Variants in SPAG16 observed in about 807,000 individuals in gnomAD.
SPAG16 encodes sperm-associated antigen 16 protein.
Under a neutral mutation model 80.4 loss-of-function variants are expected in SPAG16, and 86 were observed. The ratio of observed to expected loss-of-function variants is 1.07; its 90% CI spans 0.90 to 1.28. The LOEUF (loss-of-function observed/expected upper bound fraction) is 1.28, where lower values mean the gene tolerates loss of function less well. Ranked by LOEUF, SPAG16 falls within the 50% of genes most tolerant of loss-of-function variation. The pLI, the probability that SPAG16 is intolerant of heterozygous loss-of-function variation, is 0.00. For missense variants in SPAG16, 870 were observed against 765.3 expected, an observed-to-expected ratio of 1.14 and a Z score of -1.61; for synonymous variants, 294 against 265.9, an observed-to-expected ratio of 1.11 and a Z score of -1.03.
intron 13 of SPAG16, among the ~76,000 whole-genome samples, chr2:214,056,524 T>C (rs1042130879): frequency 7.9e-5 from 7 of 88,878 alleles, no homozygotes; most frequent in African/African-American, 3.2e-4. Flanking sequence ...AAAATACTTA[T>C]TGGTAAAAAA....
At chr2:214,058,575 A>G (rs573216526) in intron 13 of SPAG16, among the ~76,000 whole-genome samples, 1 of 152,294 alleles carries the variant, frequency 6.6e-6, no homozygotes, top group South Asian at 2.1e-4. Context: ...CACAGAGACA[A>G]AAAGTGAGCA....
intron 15 of SPAG16, among the ~76,000 whole-genome samples, chr2:214,236,713 A>T (rs1031658515): frequency 3.3e-5 from 5 of 152,054 alleles, no homozygotes; most frequent in Admixed American, 2.6e-4. Context: ...AGCATTTATT[A>T]CGATTCACCA....
chr2:213,817,878 A>G (rs1439656974), intron 10 of SPAG16, among the ~76,000 whole-genome samples: 1 of 152,166 alleles, frequency 6.6e-6, no homozygotes, highest in Admixed American at 6.6e-5. Context: ...TAGGCTGACT[A>G]CCTGGGTGGT....
At chr2:214,115,925 A>G (rs923019068) in intron 14 of SPAG16, among the ~76,000 whole-genome samples, 4 of 151,976 alleles carry the variant, frequency 2.6e-5, no homozygotes, top group African/African-American at 9.7e-5. Flanking sequence ...GCCCACAAGA[A>G]TCCTGCACCC....
intron 13 of SPAG16, among the ~76,000 whole-genome samples, chr2:214,085,321 A>C (rs970739339): frequency 2.6e-5 from 4 of 151,230 alleles, no homozygotes; most frequent in Admixed American, 2.6e-4. Context: ...GCGGTGATCC[A>C]AGATCTGACA....
intron 13 of SPAG16, among the ~76,000 whole-genome samples, chr2:214,060,495 G>A (rs964606475): frequency 9.9e-5 from 15 of 151,874 alleles, no homozygotes; most frequent in African/African-American, 1.5e-4. Context: ...AATAAAAATC[G>A]AAAGAAAAAG....
At chr2:213,472,269 C>T (rs1460642179) in intron 9 of SPAG16, among the ~76,000 whole-genome samples, 3 of 152,048 alleles carry the variant, frequency 2.0e-5, no homozygotes, top group Non-Finnish European at 4.4e-5. Context: ...AAGGCATTTG[C>T]CAACTCAATG....
At chr2:213,506,209 A>G (rs2074961057) in intron 10 of SPAG16, among the ~76,000 whole-genome samples, 1 of 152,112 alleles carries the variant, frequency 6.6e-6, no homozygotes, top group South Asian at 2.1e-4. Flanking sequence ...ATAGATGAGA[A>G]GATAGTTCTT....
intron 12 of SPAG16, among the ~76,000 whole-genome samples, chr2:214,010,127 G>T (rs555130171): frequency 1.4e-5 from 2 of 145,824 alleles, no homozygotes; most frequent in Admixed American, 1.3e-4. Context: ...ATTATGATTT[G>T]TAAGATGATA....
At chr2:214,352,757 T>C (rs1443967857) in intron 15 of SPAG16, among the ~76,000 whole-genome samples, 1 of 152,186 alleles carries the variant, frequency 6.6e-6, no homozygotes, top group Non-Finnish European at 1.5e-5. Flanking sequence ...ATTTTTGCTC[T>C]TTTACTGCTG....
chr2:213,958,283 C>T (rs924099230), intron 12 of SPAG16, among the ~76,000 whole-genome samples: 1 of 152,024 alleles, frequency 6.6e-6, no homozygotes, highest in Non-Finnish European at 1.5e-5. Context: ...CTTGGCAGTC[C>T]ATGTGGTATA....
At chr2:213,876,980 A>G (rs1353343563) in intron 11 of SPAG16, among the ~76,000 whole-genome samples, 1 of 152,198 alleles carries the variant, frequency 6.6e-6, no homozygotes, top group Non-Finnish European at 1.5e-5. Flanking sequence ...GCTTAGCAAG[A>G]TAATTCTGCC....
At chr2:213,832,805 G>C (rs2073749771) in intron 10 of SPAG16, among the ~76,000 whole-genome samples, 1 of 152,090 alleles carries the variant, frequency 6.6e-6, no homozygotes, top group Admixed American at 6.5e-5. Flanking sequence ...CATTTCTGAA[G>C]GCCCTCACGT....
chr2:213,859,178 C>CAAAAAAAAAAAAAAAAAAAAAAAAAAAA lies in SPAG16; in HGVS notation c.1071-3296_1071-3269dup, dbSNP rs1165853142. On this transcript the variant is annotated intron_variant, in intron 10 of 15. Coordinates refer to ENST00000331683, the MANE Select transcript of SPAG16 (RefSeq NM_024532.5). Reference sequence around the variant, plus strand: ...TGGGCAACAGAGCGACACTCCGTCTCAAAAAAAAAAAAAAAAAAAAAAAAA... The same window carrying CAAAAAAAAAAAAAAAAAAAAAAAAAAAA: ...TGGGCAACAGAGCGACACTCCGTCTCAAAAAAAAAAAAAAAAAAAAAAAAAAAAAAAAAAAAAAAAAAAAAAAAAAAAA... Among the ~76,000 whole-genome samples the CAAAAAAAAAAAAAAAAAAAAAAAAAAAA allele has an allele frequency of 1.2e-3, 11 of 9,378 alleles. 3 individuals are homozygous for CAAAAAAAAAAAAAAAAAAAAAAAAAAAA. Among genetic ancestry groups the CAAAAAAAAAAAAAAAAAAAAAAAAAAAA allele is most frequent in the East Asian group, 7.8e-3 (2 of 256 alleles). 6.2% of individuals were successfully genotyped at this position (9,378 alleles called of 152,430 possible). A position where few individuals can be genotyped will look rare whatever the true frequency, so the allele number is the denominator to read the frequency against.
intron 13 of SPAG16, among the ~76,000 whole-genome samples, chr2:214,031,590 T>TACA: frequency 1.3e-5 from 1 of 77,126 alleles, no homozygotes; most frequent in East Asian, 3.3e-4. Flanking sequence ...AAACTTAAAG[T>TACA]ATAATAATAA....
chr2:213,367,222 A>G (rs1200613016), intron 8 of SPAG16, among the ~76,000 whole-genome samples: 2 of 118,120 alleles, frequency 1.7e-5, no homozygotes, highest in Non-Finnish European at 3.6e-5. Flanking sequence ...AGTCTTTGCT[A>G]TTGTGAATAG....
chr2:213,295,567 C>T, intron 1 of SPAG16, among the ~76,000 whole-genome samples: 1 of 151,724 alleles, frequency 6.6e-6, no homozygotes, highest in Non-Finnish European at 1.5e-5. Flanking sequence ...GTGTTTTTTT[C>T]TTAAATATTG....
intron 11 of SPAG16, among the ~76,000 whole-genome samples, chr2:213,874,016 A>G (rs1333907088): frequency 6.6e-6 from 1 of 152,182 alleles, no homozygotes; most frequent in Non-Finnish European, 1.5e-5. Context: ...TTGTAATATA[A>G]CAATATTTTA....
intron 15 of SPAG16, among the ~76,000 whole-genome samples, chr2:214,350,882 G>A (rs1473755146): frequency 6.6e-6 from 1 of 152,150 alleles, no homozygotes; most frequent in Non-Finnish European, 1.5e-5. Flanking sequence ...ATGAATCCAT[G>A]AAAAGAAAGA....
Sources: gnomAD v4.1 joint callset for allele counts (sites outside exome capture counted in the v4.1 genomes callset) on GRCh38, gnomAD v4.1.1 for gene constraint, MANE v1.5 for transcripts, NCBI Gene and HGNC (gene_info 2026-07-23, HGNC 2026-07-21) for gene names.